Variants in IGF1R observed in about 807,000 individuals in gnomAD.
IGF1R encodes insulin like growth factor 1 receptor.
A neutral mutation model predicts 144.6 loss-of-function variants in IGF1R; 44 were observed. That is an observed-to-expected ratio of 0.30 (90% CI 0.24 to 0.39). The LOEUF (loss-of-function observed/expected upper bound fraction) is 0.39, where lower values mean the gene tolerates loss of function less well. Among genes scored for constraint, IGF1R ranks in the 10% least tolerant of loss-of-function variants. IGF1R has a pLI of 1.00. For synonymous variants in IGF1R, 795 were observed against 722.8 expected, an observed-to-expected ratio of 1.10 and a Z score of -1.60; for missense variants, 1,355 against 1,833.7, an observed-to-expected ratio of 0.74 and a Z score of 4.77.
At chr15:98,804,014 C>G (rs993677962) in intron 2 of IGF1R, among the ~76,000 whole-genome samples, 25 of 152,222 alleles carry the variant, frequency 1.6e-4, no homozygotes, top group Admixed American at 1.6e-3. Flanking sequence ...ACATGTACAT[C>G]TTACCACGGT....
At chr15:98,909,969 G>A (rs2014934439) in intron 6 of IGF1R, among the ~76,000 whole-genome samples, 1 of 152,202 alleles carries the variant, frequency 6.6e-6, no homozygotes, top group African/African-American at 2.4e-5. Context: ...TTTAATAAGG[G>A]AAGGGTATTA....
intron 2 of IGF1R, among the ~76,000 whole-genome samples, chr15:98,826,782 CAATG>C: frequency 6.6e-6 from 1 of 152,214 alleles, no homozygotes; most frequent in East Asian, 1.9e-4. Flanking sequence ...GTCTGGCAAC[CAATG>C]TGATAAAGAC....
intron 2 of IGF1R, among the ~76,000 whole-genome samples, chr15:98,768,275 C>T (rs753520292): frequency 1.3e-5 from 2 of 152,012 alleles, no homozygotes; most frequent in Non-Finnish European, 2.9e-5. Flanking sequence ...GTTGGATGCC[C>T]TTTCTACACT....
At chr15:98,778,301 A>G (rs773121704) in intron 2 of IGF1R, among the ~76,000 whole-genome samples, 1 of 152,216 alleles carries the variant, frequency 6.6e-6, no homozygotes, top group Non-Finnish European at 1.5e-5. Flanking sequence ...CTTTGTGGGC[A>G]TCATCTTCAT....
At chr15:98,750,491 T>G (rs962511878) in intron 2 of IGF1R, among the ~76,000 whole-genome samples, 11 of 152,176 alleles carry the variant, frequency 7.2e-5, no homozygotes, top group African/African-American at 2.7e-4. Flanking sequence ...TAGTATGGTA[T>G]TCTGTCATCC....
At chr15:98,848,959 GAC>G (rs1280734982) in intron 2 of IGF1R, among the ~76,000 whole-genome samples, 32 of 152,198 alleles carry the variant, frequency 2.1e-4, no homozygotes, top group African/African-American at 7.5e-4. Flanking sequence ...ACATTTATTA[GAC>G]AGGAATAATC....
Position 98,961,893 on chromosome 15 carries a change from A to C in IGF1R, c.*4451A>C, listed in dbSNP as rs1170124982. Reference sequence around the variant, plus strand: ...TTCTTAAGATGCGGAGTCACATTTCAATGGTACGAAAAGTGGCTTCGTAAA... The same window carrying C: ...TTCTTAAGATGCGGAGTCACATTTCCATGGTACGAAAAGTGGCTTCGTAAA... On this transcript the variant is annotated 3_prime_UTR_variant, in exon 21 of 21. Transcript: ENST00000650285. 5 of 233,314 alleles carry C rather than the reference A, an allele frequency of 2.1e-5. No individual in the cohort carries two copies. The highest frequency in any genetic ancestry group is 1.1e-4 in the African/African-American group (5 of 45,466). The allele number at this position is 233,314 out of a possible 1,614,324, so 14.5% of individuals were successfully genotyped here. A position where few individuals can be genotyped will look rare whatever the true frequency, so the allele number is the denominator to read the frequency against.
intron 1 of IGF1R, among the ~76,000 whole-genome samples, chr15:98,661,592 T>G (rs893089869): frequency 2.0e-5 from 3 of 151,848 alleles, no homozygotes; most frequent in African/African-American, 7.3e-5. Flanking sequence ...GGCCTGTCTT[T>G]GCTCTGCTCT....
chr15:98,730,233 A>ATT (rs201475313), intron 2 of IGF1R, among the ~76,000 whole-genome samples: 5,411 of 147,206 alleles, frequency 0.037, 107 homozygotes, highest in East Asian at 0.052. Context: ...GTGATTTTCA[A>ATT]TTTTTTTTTT....
intron 2 of IGF1R, among the ~76,000 whole-genome samples, chr15:98,791,853 A>G (rs1424978514): frequency 6.6e-6 from 1 of 152,204 alleles, no homozygotes; most frequent in African/African-American, 2.4e-5. Flanking sequence ...ATACAGACTG[A>G]GAGTTTCAGT....
chr15:98,654,262 G>A (rs959059694), intron 1 of IGF1R, among the ~76,000 whole-genome samples: 1 of 152,050 alleles, frequency 6.6e-6, no homozygotes, highest in African/African-American at 2.4e-5. Context: ...CTTGACTGGC[G>A]GCACTGTCTT....
In IGF1R at chr15:98,926,703, T is replaced by A. The variant is rs539963968; in HGVS notation, c.2782+2019T>A. 4.6e-5 allele frequency among the ~76,000 whole-genome samples: 7 copies of A among 152,332 alleles called. No homozygotes were observed. The South Asian group carries it at 1.2e-3, about 27-fold the overall frequency. ...GACAGCAAAAGCAGGATGGGGTGAA[T>A]AGAACTGCAAATCTTGAGCCAACAT... On this transcript the variant is annotated intron_variant, in intron 13 of 20. Transcript: ENST00000650285.
intron 2 of IGF1R, among the ~76,000 whole-genome samples, chr15:98,823,633 G>C (rs1288213562): frequency 6.6e-6 from 1 of 152,216 alleles, no homozygotes; most frequent in Admixed American, 6.5e-5. Flanking sequence ...GAAGTTGTGA[G>C]CTGCACAGGG....
intron 2 of IGF1R, among the ~76,000 whole-genome samples, chr15:98,728,693 T>C (rs1008067290): frequency 6.6e-6 from 1 of 152,360 alleles, no homozygotes; most frequent in Admixed American, 6.5e-5. Context: ...CGCTTCTTCA[T>C]CCTAGCTCTG....
chr15:98,711,305 G>A (rs1016893732), intron 2 of IGF1R, among the ~76,000 whole-genome samples: 4 of 152,180 alleles, frequency 2.6e-5, no homozygotes, highest in African/African-American at 9.7e-5. Context: ...GTAGAACTAC[G>A]GAGAACATCT....
At chr15:98,695,664 G>A (rs957283813) in intron 1 of IGF1R, among the ~76,000 whole-genome samples, 1 of 152,176 alleles carries the variant, frequency 6.6e-6, no homozygotes, top group Non-Finnish European at 1.5e-5. Context: ...GAAATGTGCA[G>A]CTCCACAGGA....
At chr15:98,914,063 A>G (rs2015135849) in intron 8 of IGF1R, among the ~76,000 whole-genome samples, 1 of 152,190 alleles carries the variant, frequency 6.6e-6, no homozygotes. Flanking sequence ...GTGTCTGGTG[A>G]GGGCCCACTC....
intron 2 of IGF1R, among the ~76,000 whole-genome samples, chr15:98,888,660 G>C (rs2013761115): frequency 6.6e-6 from 1 of 152,148 alleles, no homozygotes; most frequent in African/African-American, 2.4e-5. Flanking sequence ...TGGAGTCATT[G>C]AGAGCCAATC....
intron 1 of IGF1R, among the ~76,000 whole-genome samples, chr15:98,690,011 T>G (rs990860686): frequency 6.6e-6 from 1 of 152,098 alleles, no homozygotes; most frequent in Non-Finnish European, 1.5e-5. Context: ...GAATGAACTT[T>G]GAGGGTTTAT....
Sources: allele counts gnomAD v4.1 joint callset (sites outside exome capture counted in the v4.1 genomes callset), GRCh38; gene constraint gnomAD v4.1.1; transcripts MANE v1.5; gene names NCBI Gene and HGNC (gene_info 2026-07-23, HGNC 2026-07-21).